Variants in TLL2 observed in about 807,000 individuals in gnomAD.
TLL2 encodes tolloid-like protein 2.
A neutral mutation model predicts 123.0 loss-of-function variants in TLL2; 106 were observed. The ratio of observed to expected loss-of-function variants is 0.86; its 90% CI spans 0.74 to 1.01. TLL2 has a LOEUF of 1.01. Among genes scored for constraint, TLL2 ranks in the 50% least tolerant of loss-of-function variants. The pLI, the probability that TLL2 is intolerant of heterozygous loss-of-function variation, is 0.00. For missense variants in TLL2, 1,332 were observed against 1,336.7 expected (o/e 1.00, Z 0.06); for synonymous variants, 494 against 516.8 (o/e 0.96, Z 0.60).
intron 1 of TLL2, among the ~76,000 whole-genome samples, chr10:96,493,748 C>T (rs1046869936): frequency 1.3e-5 from 2 of 152,140 alleles, no homozygotes; most frequent in Non-Finnish European, 2.9e-5. Flanking sequence ...GCAAACACCC[C>T]CCACACCCAA....
intron 16 of TLL2, 92 bp downstream of exon 16, chr10:96,384,495 G>T: frequency 7.6e-7 from 1 of 1,321,032 alleles, no homozygotes; most frequent in Non-Finnish European, 1.0e-6. Context: ...AGCAAGCAAA[G>T]AGAGAGAGGA....
chr10:96,397,334 C>T, intron 10 of TLL2, 32 bp from the exon 11 acceptor site: 1 of 1,569,548 alleles, frequency 6.4e-7, no homozygotes, highest in Non-Finnish European at 8.7e-7. Flanking sequence ...AGTTAGGAGC[C>T]CTGGGGACAG....
At position 96,513,852 on chromosome 10, in the gene TLL2, C is replaced by T. The variant is rs1847658267; in HGVS notation, c.-167G>A. 1.5e-5 allele frequency: 11 copies of T among 734,530 alleles called. No homozygotes were observed. The highest frequency in any genetic ancestry group is 1.4e-5 in the Non-Finnish European group (7 of 500,836). The allele number at this position is 734,530 out of a possible 1,614,324, so 45.5% of individuals were successfully genotyped here. On this transcript the variant is annotated 5_prime_UTR_variant, in exon 1 of 21. Coordinates refer to ENST00000357947, the MANE Select transcript of TLL2 (RefSeq NM_012465.4). Reference sequence around the variant, plus strand: ...GCAAGCGGAGCGCGGCGCCCCCTGTCTTCGTCGAGGCAACCGGGAAGCAGC... The same window carrying T: ...GCAAGCGGAGCGCGGCGCCCCCTGTTTTCGTCGAGGCAACCGGGAAGCAGC...
At chr10:96,480,027 T>C (rs1847296226) in intron 2 of TLL2, among the ~76,000 whole-genome samples, 1 of 152,170 alleles carries the variant, frequency 6.6e-6, no homozygotes, top group African/African-American at 2.4e-5. Context: ...GGTGTTATGG[T>C]TTTCTGTTTA....
At chr10:96,429,003 C>T (rs1230642438) in intron 4 of TLL2, among the ~76,000 whole-genome samples, 1 of 152,054 alleles carries the variant, frequency 6.6e-6, no homozygotes, top group African/African-American at 2.4e-5. Context: ...GGGGTTTCTC[C>T]ATGTTGGTCA....
Position 96,441,210 on chromosome 10 carries a change from A to G in TLL2, c.364+4881T>C, listed in dbSNP as rs892890522. Among the ~76,000 whole-genome samples the G allele has an allele frequency of 3.3e-5, 5 of 152,208 alleles. No homozygotes were observed. In the East Asian group the frequency reaches 9.6e-4, roughly 29 times the overall value. On this transcript the variant is annotated intron_variant, in intron 3 of 20. Coordinates refer to ENST00000357947, the MANE Select transcript of TLL2 (RefSeq NM_012465.4). ...TCTCCAGTGAGGAAGTGCAATTTTTAGATTAGGCAATTGGTCATTCCCACA... is the reference window on the plus strand; with the variant it reads ...TCTCCAGTGAGGAAGTGCAATTTTTGGATTAGGCAATTGGTCATTCCCACA...
At chr10:96,407,796 C>T (rs966874836) in intron 9 of TLL2, among the ~76,000 whole-genome samples, 2 of 152,222 alleles carry the variant, frequency 1.3e-5, no homozygotes, top group Admixed American at 6.5e-5. Flanking sequence ...GTCAGCTCAC[C>T]TTCTGTCATT....
chr10:96,490,854 C>T (rs956489294), intron 1 of TLL2, among the ~76,000 whole-genome samples: 1 of 152,186 alleles, frequency 6.6e-6, no homozygotes, highest in Non-Finnish European at 1.5e-5. Context: ...CCACCTCAGA[C>T]CTGCTCAGTC....
At chr10:96,476,240 A>ATATATATTCTTTTTTTTT in intron 2 of TLL2, among the ~76,000 whole-genome samples, 1 of 20,498 alleles carries the variant, frequency 4.9e-5, no homozygotes. Context: ...ATATATATAT[A>ATATATATTCTTTTTTTTT]TTTTATTTTT....
intron 1 of TLL2, among the ~76,000 whole-genome samples, chr10:96,485,396 T>C (rs1176234814): frequency 2.0e-5 from 3 of 152,222 alleles, no homozygotes; most frequent in Non-Finnish European, 4.4e-5. Context: ...GCAAGTCATA[T>C]ATCTTATAAG....
At chr10:96,499,699 G>A (rs1428684511) in intron 1 of TLL2, among the ~76,000 whole-genome samples, 2 of 152,114 alleles carry the variant, frequency 1.3e-5, no homozygotes, top group Admixed American at 1.3e-4. Flanking sequence ...GAAAAATAAT[G>A]AAAGTCCTTA....
At chr10:96,374,078 T>C (rs1846111787) in intron 18 of TLL2, 1 of 446,794 alleles carries the variant, frequency 2.2e-6, no homozygotes, top group African/African-American at 2.0e-5. Context: ...AGAGCAGGGG[T>C]TCAGAGATTA....
intron 4 of TLL2, among the ~76,000 whole-genome samples, chr10:96,430,070 A>G (rs1482338083): frequency 1.3e-5 from 2 of 152,170 alleles, no homozygotes; most frequent in African/African-American, 2.4e-5. Context: ...CAAAAATTAC[A>G]AGCAAAACAA....
At chr10:96,395,457 A>G in intron 12 of TLL2, 75 bp from the exon 13 acceptor site, 2 of 1,427,080 alleles carry the variant, frequency 1.4e-6, no homozygotes, top group Non-Finnish European at 1.9e-6. Context: ...AAGAGAACCC[A>G]AATATCACTC....
At position 96,434,566 on chromosome 10, in the gene TLL2, C is replaced by T. The variant is rs550559439; in HGVS notation, c.365-1604G>A. Among the ~76,000 whole-genome samples the T allele has an allele frequency of 4.6e-5, 7 of 152,324 alleles. No homozygotes were observed. In the South Asian group the frequency reaches 1.4e-3, roughly 32 times the overall value. On this transcript the variant is annotated intron_variant, in intron 3 of 20. Coordinates refer to ENST00000357947, the MANE Select transcript of TLL2 (RefSeq NM_012465.4). ...AGTATTCCATTGTATGCACATACCA[C>T]ATTTTGTTTATCTGTTCTTCAGTGG...
At chr10:96,437,089 A>G (rs1401944059) in intron 3 of TLL2, among the ~76,000 whole-genome samples, 1 of 152,194 alleles carries the variant, frequency 6.6e-6, no homozygotes, top group African/African-American at 2.4e-5. Context: ...GAGTCATTGA[A>G]TGGGTGTTAT....
Position 96,395,266 on chromosome 10 carries a change from C to A in TLL2, c.1647G>T (p.Ser549=), listed in dbSNP as rs368020235. 27 of 1,613,880 alleles carry A rather than the reference C, an allele frequency of 1.7e-5. No individual in the cohort carries two copies. The highest frequency in any genetic ancestry group is 8.5e-7 in the Non-Finnish European group (1 of 1,180,008). Residue 549 remains serine (S), a synonymous_variant, in exon 13 of 21, where the codon TCG becomes TCT. Transcript: ENST00000357947. The part of the protein sequence containing the change: ...CGYEKPEDVK[S]SSNRLWMKFV... Reference sequence around the variant, plus strand: ...ACTTCATCCACAGTCTGTTGGAGCTCGATTTCACATCCTCCGGCTTCTCAT... The same window carrying A: ...ACTTCATCCACAGTCTGTTGGAGCTAGATTTCACATCCTCCGGCTTCTCAT...
chr10:96,476,216 T>TCATA lies in TLL2; in HGVS notation c.286+4132_286+4133insTATG, dbSNP rs1554939587. ...ATAAAGGTGTGGTTCCTTTTTAATT[T>TCATA]TATATGTATATATATATATATATAT... On this transcript the variant is annotated intron_variant, in intron 2 of 20. Transcript: ENST00000357947. Among the ~76,000 whole-genome samples the TCATA allele has an allele frequency of 7.9e-3, 264 of 33,338 alleles. 9 individuals are homozygous for TCATA. The highest frequency in any genetic ancestry group is 0.023 in the African/African-American group (259 of 11,450). 21.9% of individuals were successfully genotyped at this position (33,338 alleles called of 152,430 possible). A position where few individuals can be genotyped will look rare whatever the true frequency, so the allele number is the denominator to read the frequency against.
chr10:96,494,916 C>T (rs971494752), intron 1 of TLL2, among the ~76,000 whole-genome samples: 5 of 152,208 alleles, frequency 3.3e-5, no homozygotes, highest in African/African-American at 4.8e-5. Context: ...CCCAGGAATA[C>T]GCACTTTAAT....
Sources: gnomAD v4.1 joint callset for allele counts (sites outside exome capture counted in the v4.1 genomes callset) on GRCh38, gnomAD v4.1.1 for gene constraint, MANE v1.5 for transcripts, NCBI Gene and HGNC (gene_info 2026-07-23, HGNC 2026-07-21) for gene names.